DCDC2C: variants seen among roughly 807,000 people sequenced by gnomAD.
The protein encoded by DCDC2C is doublecortin domain-containing protein 2C.
In DCDC2C, 44 loss-of-function variants were observed where a neutral mutation model predicts 45.0. The observed-to-expected ratio is 0.98, with a 90% CI of 0.77 to 1.26. The LOEUF is 1.26. Ranked by LOEUF, DCDC2C falls within the 50% of genes most tolerant of loss-of-function variation. The pLI is 0.00. For synonymous variants in DCDC2C, 187 were observed against 178.8 expected (o/e 1.05, Z -0.37); for missense variants, 447 against 468.9 (o/e 0.95, Z 0.43).
intron 10 of DCDC2C, among the ~76,000 whole-genome samples, chr2:3,826,467 T>TAA (rs1227479820): frequency 6.6e-6 from 1 of 152,198 alleles, no homozygotes; most frequent in Non-Finnish European, 1.5e-5. Flanking sequence ...TTGCAAATTG[T>TAA]AAAAATCTTT....
At chr2:3,782,211 A>G (rs921081675) in intron 9 of DCDC2C, among the ~76,000 whole-genome samples, 2 of 152,184 alleles carry the variant, frequency 1.3e-5, no homozygotes, top group Non-Finnish European at 1.5e-5. Flanking sequence ...GTTCAGATGC[A>G]AGTATTATGA....
chr2:3,736,591 G>C (rs569321003), intron 3 of DCDC2C, among the ~76,000 whole-genome samples: 1 of 152,316 alleles, frequency 6.6e-6, no homozygotes, highest in East Asian at 1.9e-4. Context: ...GGAGGGCTGA[G>C]CTGTTTCTCC....
intron 2 of DCDC2C, among the ~76,000 whole-genome samples, chr2:3,725,147 G>A (rs891189501): frequency 1.3e-5 from 2 of 152,166 alleles, no homozygotes; most frequent in East Asian, 1.9e-4. Context: ...TCCTGGGTGG[G>A]TGTGAAGTAG....
chr2:3,750,954 C>T (rs1165135925), intron 4 of DCDC2C, among the ~76,000 whole-genome samples: 1 of 152,186 alleles, frequency 6.6e-6, no homozygotes, highest in African/African-American at 2.4e-5. Context: ...CTCAGTTTTA[C>T]CTCCAAACAG....
At chr2:3,798,334 T>A (rs1247081478) in intron 10 of DCDC2C, among the ~76,000 whole-genome samples, 1 of 151,290 alleles carries the variant, frequency 6.6e-6, no homozygotes, top group Non-Finnish European at 1.5e-5. Context: ...AATTTGCCAG[T>A]CTGTGTCTTT....
intron 5 of DCDC2C, among the ~76,000 whole-genome samples, chr2:3,753,707 G>C (rs984296097): frequency 1.3e-5 from 2 of 152,192 alleles, no homozygotes; most frequent in African/African-American, 4.8e-5. Context: ...GTGACAGTAA[G>C]GCAGCACATC....
chr2:3,815,426 AT>A (rs1462105558), intron 10 of DCDC2C, among the ~76,000 whole-genome samples: 1 of 152,156 alleles, frequency 6.6e-6, no homozygotes. Flanking sequence ...TCACATGCTT[AT>A]TATGGTTTTC....
chr2:3,739,283 G>T (rs572265550), intron 3 of DCDC2C, among the ~76,000 whole-genome samples: 88 of 152,328 alleles, frequency 5.8e-4, no homozygotes, highest in South Asian at 4.8e-3. Context: ...GAAGGGAACT[G>T]CTGGGGACAG....
intron 10 of DCDC2C, among the ~76,000 whole-genome samples, chr2:3,831,970 G>A (rs1418031897): frequency 2.0e-5 from 3 of 152,154 alleles, no homozygotes; most frequent in African/African-American, 7.2e-5. Flanking sequence ...TCCCTATGTC[G>A]GTTCTGTTGC....
chr2:3,743,393 C>T (rs1427250451), intron 4 of DCDC2C, among the ~76,000 whole-genome samples: 1 of 152,196 alleles, frequency 6.6e-6, no homozygotes, highest in Non-Finnish European at 1.5e-5. Flanking sequence ...TGAATAACAA[C>T]ATAAACCCAA....
At chr2:3,832,875 G>T (rs1671984917) in intron 10 of DCDC2C, among the ~76,000 whole-genome samples, 2 of 152,126 alleles carry the variant, frequency 1.3e-5, no homozygotes, top group South Asian at 4.2e-4. Context: ...ATTTCCAATG[G>T]CTACTGTGGC....
rs1478713727 is a variant in DCDC2C at position 3,727,061 on chromosome 2, G to A, written c.398G>A (p.Arg133His). The A allele has an allele frequency of 6.5e-6, 10 of 1,549,792 alleles. No homozygotes were observed. The highest frequency in any genetic ancestry group is 5.9e-5 in the Admixed American group (3 of 50,968). The change falls in exon 3 of 11, where the codon CGT becomes CAT. Residue 133 changes from arginine (R) to histidine (H), a missense_variant. By Grantham distance (29) the Arg-to-His change is conservative (BLOSUM62 0). Coordinates refer to ENST00000399143, the MANE Select transcript of DCDC2C (RefSeq NM_001287444.2). Reference sequence around the variant, plus strand: ...CCTTCCAAGTGGCAAACATATCATCGTATATCTCGACATATAAAGTGAGTA... The same window carrying A: ...CCTTCCAAGTGGCAAACATATCATCATATATCTCGACATATAAAGTGAGTA... ...NVPSKWQTYH[R>H]ISRHINVFTN...
At chr2:3,831,336 C>A (rs763350669) in intron 10 of DCDC2C, among the ~76,000 whole-genome samples, 1 of 152,328 alleles carries the variant, frequency 6.6e-6, no homozygotes, top group East Asian at 1.9e-4. Flanking sequence ...CAGAGAGCGA[C>A]GTGCACAAAC....
intron 4 of DCDC2C, among the ~76,000 whole-genome samples, chr2:3,750,410 A>G (rs1669510727): frequency 6.6e-6 from 1 of 151,990 alleles, no homozygotes; most frequent in Non-Finnish European, 1.5e-5. Context: ...TTATTTAACC[A>G]CGTCCTCTAA....
chr2:3,757,383 A>C (rs1003440047), intron 6 of DCDC2C, among the ~76,000 whole-genome samples: 2 of 152,212 alleles, frequency 1.3e-5, no homozygotes, highest in Admixed American at 6.5e-5. Context: ...GGTGCTGTGC[A>C]CATTCTAATA....
At chr2:3,751,223 A>G (rs1288863360) in intron 4 of DCDC2C, among the ~76,000 whole-genome samples, 1 of 152,052 alleles carries the variant, frequency 6.6e-6, no homozygotes, top group Non-Finnish European at 1.5e-5. Context: ...CCCTCTCCTT[A>G]GGACCATCGT....
Position 3,752,917 on chromosome 2 carries a change from C to A in DCDC2C, c.683+17C>A. On this transcript the variant is annotated intron_variant, in intron 5 of 10. Transcript: ENST00000399143. ...GGTCCAACAGTGAGCATGCTTCGTA[C>A]CTTTCTTTCCTGAGTTTTGGAAAAA... is the stretch of plus-strand genomic sequence containing the variant. 6.5e-7 allele frequency: 1 copy of A among 1,544,174 alleles called. No individual in the cohort carries two copies. Among genetic ancestry groups the A allele is most frequent in the South Asian group, 1.2e-5 (1 of 83,360 alleles).
chr2:3,722,307 T>C (rs1402550203), intron 2 of DCDC2C, among the ~76,000 whole-genome samples: 1 of 152,254 alleles, frequency 6.6e-6, no homozygotes, highest in Admixed American at 6.5e-5. Flanking sequence ...AAAATGTTTT[T>C]TGATGGCTTA....
intron 10 of DCDC2C, chr2:3,844,183 A>G (rs1563171): frequency 0.26 from 39,610 of 152,304 alleles, 5,482 homozygotes; most frequent in East Asian, 0.41. Flanking sequence ...AAGAAAAATC[A>G]TCACTAAGAC....
Sources: gnomAD v4.1 joint callset for allele counts (sites outside exome capture counted in the v4.1 genomes callset) on GRCh38, gnomAD v4.1.1 for gene constraint, MANE v1.5 for transcripts, NCBI Gene and HGNC (gene_info 2026-07-23, HGNC 2026-07-21) for gene names.